Variants in SNX29 observed in about 807,000 individuals in gnomAD.
The protein encoded by SNX29 is sorting nexin 29.
A neutral mutation model predicts 102.1 loss-of-function variants in SNX29; 78 were observed. The observed-to-expected ratio is 0.76, with a 90% CI of 0.64 to 0.92. The LOEUF (loss-of-function observed/expected upper bound fraction) is 0.92. SNX29 is among the 40% of genes least tolerant of loss of function. The probability of loss-of-function intolerance (pLI) is 0.00; values close to 1 mark genes in which losing one functional copy is unlikely to be tolerated. For missense variants in SNX29, 1,280 were observed against 1,061.7 expected (o/e 1.21, Z -2.86); for synonymous variants, 580 against 414.5 (o/e 1.40, Z -4.85).
intron 15 of SNX29, among the ~76,000 whole-genome samples, chr16:12,285,938 C>G (rs970041090): frequency 6.6e-6 from 1 of 152,146 alleles, no homozygotes; most frequent in African/African-American, 2.4e-5. Flanking sequence ...TCACTACAAC[C>G]TCCGCCTCCT....
At chr16:12,229,752 A>G (rs1337750394) in intron 14 of SNX29, among the ~76,000 whole-genome samples, 1 of 152,206 alleles carries the variant, frequency 6.6e-6, no homozygotes, top group East Asian at 1.9e-4. Flanking sequence ...CAGCCAAGTC[A>G]AAAGGGATGA....
intron 16 of SNX29, among the ~76,000 whole-genome samples, chr16:12,390,357 G>A (rs6498284): frequency 0.37 from 56,737 of 151,830 alleles, 11,664 homozygotes; most frequent in East Asian, 0.59. Flanking sequence ...TCTCCCTTAT[G>A]CTTCAGGCTC....
At position 12,164,417 on chromosome 16, in the gene SNX29, C is replaced by A. The variant is rs190454295; in HGVS notation, c.1595+34659C>A. 2.8e-3 allele frequency among the ~76,000 whole-genome samples: 433 copies of A among 152,284 alleles called. 3 individuals carry two copies. The highest frequency in any genetic ancestry group is 1.3e-3 in the Non-Finnish European group (90 of 68,028). ...GGATTTATAAGATGTACTTGGGAAT[C>A]CTTGATCCTGTAGGTTCGTGATTTT... On this transcript the variant is annotated intron_variant, in intron 13 of 20. Coordinates refer to ENST00000566228, the MANE Select transcript of SNX29 (RefSeq NM_032167.5).
chr16:12,450,524 C>T (rs2086256793), intron 18 of SNX29, among the ~76,000 whole-genome samples: 1 of 152,158 alleles, frequency 6.6e-6, no homozygotes, highest in South Asian at 2.1e-4. Flanking sequence ...CTTGCTGTGG[C>T]CAAGGGAATG....
intron 11 of SNX29, among the ~76,000 whole-genome samples, chr16:12,106,939 C>A (rs1017692280): frequency 3.3e-5 from 5 of 152,090 alleles, no homozygotes; most frequent in Admixed American, 6.5e-5. Context: ...CTTTAGCCTC[C>A]CAAGTAGCTG....
At chr16:12,510,272 G>A (rs2151915588) in intron 19 of SNX29, among the ~76,000 whole-genome samples, 1 of 152,342 alleles carries the variant, frequency 6.6e-6, no homozygotes, top group Middle Eastern at 3.4e-3. Context: ...GTTTTACTGA[G>A]GGGTGTGTGC....
At chr16:12,561,393 C>T (rs899025610) in intron 20 of SNX29, among the ~76,000 whole-genome samples, 9 of 152,164 alleles carry the variant, frequency 5.9e-5, no homozygotes, top group Non-Finnish European at 1.3e-4. Context: ...GGCCACATCC[C>T]CGCCACACAC....
chr16:12,308,046 T>G (rs1055653497), intron 15 of SNX29, among the ~76,000 whole-genome samples: 1 of 152,240 alleles, frequency 6.6e-6, no homozygotes, highest in Non-Finnish European at 1.5e-5. Flanking sequence ...ATGGGAGAGA[T>G]GCACAGACAG....
At chr16:12,466,293 A>C (rs1200626183) in intron 18 of SNX29, among the ~76,000 whole-genome samples, 1 of 152,240 alleles carries the variant, frequency 6.6e-6, no homozygotes, top group Admixed American at 6.5e-5. Flanking sequence ...CAGAACTAAT[A>C]AGTAAATTGA....
At position 12,569,841 on chromosome 16, in the gene SNX29, T is replaced by G. The variant is rs2079148726; in HGVS notation, c.*1212T>G. On this transcript the variant is annotated 3_prime_UTR_variant, in exon 21 of 21. Coordinates refer to ENST00000566228, the MANE Select transcript of SNX29 (RefSeq NM_032167.5). ...GTTTGCATTTCTAGGGTAAACTAACTAGGAAGGATGTCGTGAAATGGACTA... is the reference window on the plus strand; with the variant it reads ...GTTTGCATTTCTAGGGTAAACTAACGAGGAAGGATGTCGTGAAATGGACTA... 8.7e-6 allele frequency: 2 copies of G among 230,528 alleles called. No individual in the cohort carries two copies. The highest frequency in any genetic ancestry group is 1.8e-4 in the South Asian group (1 of 5,506). The allele number at this position is 230,528 out of a possible 1,614,324, so 14.3% of individuals were successfully genotyped here.
intron 14 of SNX29, among the ~76,000 whole-genome samples, chr16:12,256,876 G>A (rs534866454): frequency 2.6e-5 from 4 of 152,150 alleles, no homozygotes; most frequent in Non-Finnish European, 5.9e-5. Context: ...ACTTATGATA[G>A]CTAAAGCAGA....
chr16:12,440,265 G>T (rs1469691365), intron 18 of SNX29, among the ~76,000 whole-genome samples: 1 of 152,080 alleles, frequency 6.6e-6, no homozygotes, highest in Non-Finnish European at 1.5e-5. Flanking sequence ...CCTTTTCAAA[G>T]TGTACGATTC....
intron 19 of SNX29, among the ~76,000 whole-genome samples, chr16:12,505,763 C>CAA (rs61113263): frequency 0.16 from 11,762 of 75,668 alleles, 1,310 homozygotes; most frequent in South Asian, 0.37. Context: ...GTCAATTCTG[C>CAA]AAAAAAAAAA....
At position 12,459,618 on chromosome 16, in the gene SNX29, G is replaced by A. The variant is rs768092243; in HGVS notation, c.2038-18101G>A. Among the ~76,000 whole-genome samples the A allele has an allele frequency of 2.0e-5, 3 of 152,184 alleles. No homozygotes were observed. The South Asian group carries it at 6.2e-4, about 31-fold the overall frequency. ...GTCTGCATGCACGTGGGGCTGGGTG[G>A]AGGGAGTGTCATATCTAGACCCTGA... is the stretch of plus-strand genomic sequence containing the variant. On this transcript the variant is annotated intron_variant, in intron 18 of 20. Transcript: ENST00000566228.
At chr16:12,206,320 T>C (rs1399125819) in intron 14 of SNX29, among the ~76,000 whole-genome samples, 1 of 150,440 alleles carries the variant, frequency 6.6e-6, no homozygotes, top group African/African-American at 2.4e-5. Flanking sequence ...TTCTTCAGTT[T>C]CTCAACTCCA....
At chr16:12,507,390 T>C (rs1240297844) in intron 19 of SNX29, among the ~76,000 whole-genome samples, 1 of 152,244 alleles carries the variant, frequency 6.6e-6, no homozygotes, top group East Asian at 1.9e-4. Context: ...GGACAGTCAA[T>C]GGCTAATGCA....
chr16:12,116,984 ACC>A (rs2053739274), intron 11 of SNX29, among the ~76,000 whole-genome samples: 4 of 151,408 alleles, frequency 2.6e-5, no homozygotes, highest in Admixed American at 1.3e-4. Flanking sequence ...ATGCGGATGA[ACC>A]ATGGAAACAG....
intron 14 of SNX29, among the ~76,000 whole-genome samples, chr16:12,236,389 C>G (rs1431989600): frequency 6.6e-6 from 1 of 152,204 alleles, no homozygotes; most frequent in East Asian, 1.9e-4. Flanking sequence ...ACTTTCATTT[C>G]TCGCTATTCT....
At chr16:12,526,238 CAG>C (rs1253081209) in intron 20 of SNX29, among the ~76,000 whole-genome samples, 1 of 152,246 alleles carries the variant, frequency 6.6e-6, no homozygotes, top group South Asian at 2.1e-4. Context: ...GGGTTCAAAA[CAG>C]AGGGTGCATT....
Sources: allele counts gnomAD v4.1 joint callset (sites outside exome capture counted in the v4.1 genomes callset), GRCh38; gene constraint gnomAD v4.1.1; transcripts MANE v1.5; gene names NCBI Gene and HGNC (gene_info 2026-07-23, HGNC 2026-07-21).